The following CPNE4 variants were observed in gnomAD, a reference collection of about 807,000 sequenced individuals.
CPNE4 encodes copine-4.
Under a neutral mutation model 67.9 loss-of-function variants are expected in CPNE4, and 25 were observed. The observed-to-expected ratio is 0.37, with a 90% CI of 0.27 to 0.51. The LOEUF (loss-of-function observed/expected upper bound fraction) is 0.51, where lower values mean the gene tolerates loss of function less well. Among genes scored for constraint, CPNE4 ranks in the 20% least tolerant of loss-of-function variants. CPNE4 has a pLI of 0.93. For synonymous variants in CPNE4, 242 were observed against 244.9 expected (o/e 0.99, Z 0.11); for missense variants, 464 against 690.8 (o/e 0.67, Z 3.68).
At chr3:132,022,302 T>C (rs987226526) in intron 1 of CPNE4, among the ~76,000 whole-genome samples, 6 of 152,218 alleles carry the variant, frequency 3.9e-5, no homozygotes, top group African/African-American at 1.4e-4. Context: ...ACAGGGTTCA[T>C]CATTCAGAGT....
intron 1 of CPNE4, among the ~76,000 whole-genome samples, chr3:131,997,751 C>A (rs1355590422): frequency 2.0e-5 from 3 of 152,062 alleles, no homozygotes; most frequent in African/African-American, 7.2e-5. Flanking sequence ...CAGGTATGAA[C>A]ATTTAAAAAC....
chr3:132,002,134 C>G (rs1434803376), intron 1 of CPNE4, among the ~76,000 whole-genome samples: 1 of 152,178 alleles, frequency 6.6e-6, no homozygotes, highest in Non-Finnish European at 1.5e-5. Context: ...CCCACACCCA[C>G]TATGGTGATA....
At chr3:131,809,265 A>T (rs2084435790) in intron 2 of CPNE4, among the ~76,000 whole-genome samples, 1 of 152,130 alleles carries the variant, frequency 6.6e-6, no homozygotes, top group Admixed American at 6.6e-5. Context: ...TTACTGGTTT[A>T]AGGATGAGGC....
intron 2 of CPNE4, among the ~76,000 whole-genome samples, chr3:131,807,166 G>A (rs2084347827): frequency 6.6e-6 from 1 of 152,144 alleles, no homozygotes; most frequent in African/African-American, 2.4e-5. Context: ...ACCCTCTAGA[G>A]GGAAAAGAGT....
chr3:131,721,620 C>T (rs1398240933), intron 3 of CPNE4, among the ~76,000 whole-genome samples: 2 of 152,132 alleles, frequency 1.3e-5, no homozygotes, highest in Admixed American at 6.6e-5. Flanking sequence ...TGGTCTCGAT[C>T]TCCTGGCCTC....
At chr3:131,647,473 C>T (rs1029299520) in intron 7 of CPNE4, among the ~76,000 whole-genome samples, 2 of 152,182 alleles carry the variant, frequency 1.3e-5, no homozygotes, top group African/African-American at 2.4e-5. Context: ...TGCCCTCCAC[C>T]GTCTCTAATC....
intron 3 of CPNE4, among the ~76,000 whole-genome samples, chr3:131,713,440 G>A (rs937300821): frequency 4.6e-5 from 7 of 152,140 alleles, no homozygotes; most frequent in Non-Finnish European, 8.8e-5. Flanking sequence ...GGTAGTGGAA[G>A]GGGGAGAGAG....
At chr3:131,755,385 A>T (rs1446258248) in intron 2 of CPNE4, among the ~76,000 whole-genome samples, 1 of 152,172 alleles carries the variant, frequency 6.6e-6, no homozygotes, top group Non-Finnish European at 1.5e-5. Flanking sequence ...CGGACCTGTG[A>T]CAGATGACTA....
chr3:131,856,027 A>G (rs1377016729), intron 2 of CPNE4, among the ~76,000 whole-genome samples: 1 of 151,990 alleles, frequency 6.6e-6, no homozygotes, highest in African/African-American at 2.4e-5. Flanking sequence ...TATTTTGCTC[A>G]GACTGGTTAT....
intron 2 of CPNE4, among the ~76,000 whole-genome samples, chr3:131,801,205 A>G (rs1317570136): frequency 1.3e-5 from 2 of 151,526 alleles, no homozygotes; most frequent in African/African-American, 4.8e-5. Context: ...AGGCCAATCA[A>G]TCAGTACTCA....
At position 131,571,171 on chromosome 3, in the gene CPNE4, C is replaced by CTT. The variant is rs558743197; in HGVS notation, c.927+3898_927+3899dup. Among the ~76,000 whole-genome samples the CTT allele has an allele frequency of 3.2e-4, 49 of 152,154 alleles. No homozygotes were observed. The East Asian group carries it at 7.8e-3, about 24-fold the overall frequency. On this transcript the variant is annotated intron_variant, in intron 10 of 15. Transcript: ENST00000429747. ...AGCATGCAAGATTGTTGCCCTTGAT[C>CTT]TTAACCTTAGCTTTTTCCTCCTGGG...
intron 2 of CPNE4, among the ~76,000 whole-genome samples, chr3:131,888,572 G>C (rs889923497): frequency 6.6e-6 from 1 of 152,180 alleles, no homozygotes; most frequent in Non-Finnish European, 1.5e-5. Flanking sequence ...GGAGTTTCCA[G>C]AAGGGAAGAA....
intron 2 of CPNE4, among the ~76,000 whole-genome samples, chr3:131,866,756 A>G (rs1297173390): frequency 1.3e-5 from 2 of 152,234 alleles, no homozygotes; most frequent in Non-Finnish European, 2.9e-5. Flanking sequence ...AAAAGATCAG[A>G]TAACATGGAA....
intron 2 of CPNE4, among the ~76,000 whole-genome samples, chr3:131,813,817 A>G (rs915170601): frequency 1.2e-4 from 18 of 152,170 alleles, no homozygotes; most frequent in Non-Finnish European, 2.6e-4. Flanking sequence ...CTGTCACAGT[A>G]TTTGAGTCCA....
At chr3:131,785,677 C>CTT (rs796348165) in intron 2 of CPNE4, among the ~76,000 whole-genome samples, 1 of 26,854 alleles carries the variant, frequency 3.7e-5, no homozygotes, top group African/African-American at 8.3e-5. Flanking sequence ...CTCTTTCTCT[C>CTT]TCTCTCTCTC....
chr3:131,604,520 A>G (rs1682178758), intron 7 of CPNE4, among the ~76,000 whole-genome samples: 1 of 152,118 alleles, frequency 6.6e-6, no homozygotes, highest in South Asian at 2.1e-4. Flanking sequence ...ACCCACCCTT[A>G]GTCTGGGTGG....
At chr3:131,741,775 C>T (rs565240515) in intron 2 of CPNE4, among the ~76,000 whole-genome samples, 1 of 152,290 alleles carries the variant, frequency 6.6e-6, no homozygotes, top group East Asian at 1.9e-4. Context: ...AGCCAGCCTC[C>T]TACTGCAGAG....
chr3:131,999,241 T>TAAAAAAAAAAA (rs79127364), intron 1 of CPNE4, among the ~76,000 whole-genome samples: 1,349 of 98,724 alleles, frequency 0.014, 211 homozygotes, highest in African/African-American at 0.065. Flanking sequence ...TTATCCAAGG[T>TAAAAAAAAAAA]AAAAAAAAAA....
rs531350159 is a variant in CPNE4 at position 131,733,149 on chromosome 3, A to G, written c.181-9524T>C. Among the ~76,000 whole-genome samples the G allele has an allele frequency of 3.1e-4, 47 of 152,338 alleles. No individual in the cohort carries two copies. The South Asian group carries it at 6.6e-3, about 21-fold the overall frequency. On this transcript the variant is annotated intron_variant, in intron 2 of 15. Coordinates refer to ENST00000429747, the MANE Select transcript of CPNE4 (RefSeq NM_130808.3). ...CACCCAGCTGTCGAGTGATGGAACT[A>G]CTTGAGATTTCCCTTAAAGCTGTTT...
Sources: gnomAD v4.1 joint callset for allele counts (sites outside exome capture counted in the v4.1 genomes callset) on GRCh38, gnomAD v4.1.1 for gene constraint, MANE v1.5 for transcripts, NCBI Gene and HGNC (gene_info 2026-07-23, HGNC 2026-07-21) for gene names.